The following RIN3 variants were observed in gnomAD, a reference collection of about 807,000 sequenced individuals.
RIN3 encodes the protein Ras and Rab interactor 3.
In RIN3, 54 loss-of-function variants were observed where a neutral mutation model predicts 76.3. The ratio of observed to expected loss-of-function variants is 0.71; its 90% CI spans 0.57 to 0.89. The LOEUF is 0.89. RIN3 is among the 40% of genes least tolerant of loss of function. The pLI, the probability that RIN3 is intolerant of heterozygous loss-of-function variation, is 0.00. For missense variants in RIN3, 1,256 were observed against 1,322.1 expected (o/e 0.95, Z 0.78); for synonymous variants, 576 against 564.0 (o/e 1.02, Z -0.30).
At chr14:92,580,504 C>T (rs544955095) in intron 3 of RIN3, among the ~76,000 whole-genome samples, 12 of 152,354 alleles carry the variant, frequency 7.9e-5, no homozygotes, top group Non-Finnish European at 1.2e-4. Flanking sequence ...AGCAAGTAAC[C>T]ATCCAGGATG....
intron 1 of RIN3, among the ~76,000 whole-genome samples, chr14:92,526,231 G>A (rs1166685443): frequency 6.6e-6 from 1 of 152,174 alleles, no homozygotes; most frequent in Non-Finnish European, 1.5e-5. Context: ...CGAGGCAGGT[G>A]GATCACTTGA....
chr14:92,618,734 A>T (rs898300689), intron 4 of RIN3, among the ~76,000 whole-genome samples: 3 of 152,232 alleles, frequency 2.0e-5, no homozygotes, highest in Non-Finnish European at 2.9e-5. Flanking sequence ...TTTCCCAGGA[A>T]TATGGGATCA....
At chr14:92,670,449 C>G (rs909141649) in intron 7 of RIN3, among the ~76,000 whole-genome samples, 1 of 152,146 alleles carries the variant, frequency 6.6e-6, no homozygotes, top group Non-Finnish European at 1.5e-5. Context: ...AGTGGCACTT[C>G]CTGAGGCTCC....
intron 5 of RIN3, among the ~76,000 whole-genome samples, chr14:92,649,895 G>A (rs1887348348): frequency 1.3e-5 from 2 of 152,280 alleles, no homozygotes; most frequent in South Asian, 4.1e-4. Context: ...ACCTCAGAGG[G>A]GTGCACACAG....
At chr14:92,567,322 T>C (rs551634634) in intron 2 of RIN3, among the ~76,000 whole-genome samples, 1 of 152,374 alleles carries the variant, frequency 6.6e-6, no homozygotes, top group African/African-American at 2.4e-5. Context: ...GTCACTATTT[T>C]ATATTTGCTC....
intron 3 of RIN3, among the ~76,000 whole-genome samples, chr14:92,613,716 GA>G (rs1414374236): frequency 6.6e-6 from 1 of 152,148 alleles, no homozygotes; most frequent in East Asian, 1.9e-4. Context: ...ACTGAGGGGG[GA>G]AAGGGCACGC....
rs146318615 is a variant in RIN3 at position 92,536,042 on chromosome 14, A to C, written c.45-19709A>C. On this transcript the variant is annotated intron_variant, in intron 1 of 9. Coordinates refer to ENST00000216487, the MANE Select transcript of RIN3 (RefSeq NM_024832.5). ...GCTGTGCAGAAATCAGGTGACTGTA[A>C]ATGTGCGGCTCTATTTCTGGACTTT... 4.7e-4 allele frequency among the ~76,000 whole-genome samples: 71 copies of C among 152,232 alleles called. 1 individual carries two copies. The East Asian group carries it at 4.8e-3, about 10-fold the overall frequency.
intron 6 of RIN3, among the ~76,000 whole-genome samples, chr14:92,655,232 C>T (rs1887623290): frequency 6.6e-6 from 1 of 151,822 alleles, no homozygotes; most frequent in Non-Finnish European, 1.5e-5. Context: ...CCTGTAGTCC[C>T]AGTTACTCAG....
chr14:92,604,025 A>G (rs1017974145), intron 3 of RIN3, among the ~76,000 whole-genome samples: 1 of 152,222 alleles, frequency 6.6e-6, no homozygotes, highest in Non-Finnish European at 1.5e-5. Flanking sequence ...GGTGGTTCCC[A>G]TGGCAACTGC....
intron 1 of RIN3, among the ~76,000 whole-genome samples, chr14:92,526,894 C>G (rs1001847208): frequency 6.6e-6 from 1 of 152,154 alleles, no homozygotes; most frequent in Non-Finnish European, 1.5e-5. Flanking sequence ...TACAGCCATT[C>G]TCCCTCCAAA....
intron 3 of RIN3, among the ~76,000 whole-genome samples, chr14:92,594,516 A>T (rs926088536): frequency 6.6e-5 from 10 of 152,212 alleles, no homozygotes; most frequent in Non-Finnish European, 1.5e-5. Flanking sequence ...TAACATAAAG[A>T]TAGCTGGAAA....
chr14:92,685,306 C>T lies in RIN3; in HGVS notation c.2631+156C>T. ...GACTCCCCACACCAGAGGAAGGGCC[C>T]CCAGCCCCTGCTGCCAGTGTGTGTC... On this transcript the variant is annotated intron_variant, in intron 9 of 9. Transcript: ENST00000216487. This position sits in a 1 kb window ranked among gnomAD's most constrained non-coding sequence, Gnocchi z 4.7. 1.4e-6 allele frequency: 1 copy of T among 731,236 alleles called. No individual in the cohort carries two copies. The highest frequency in any genetic ancestry group is 2.2e-6 in the Non-Finnish European group (1 of 456,812). 45.3% of individuals were successfully genotyped at this position (731,236 alleles called of 1,614,324 possible). A position where few individuals can be genotyped will look rare whatever the true frequency, so the allele number is the denominator to read the frequency against.
chr14:92,648,030 G>A lies in RIN3; in HGVS notation c.533-3552G>A, dbSNP rs1887265513. Among the ~76,000 whole-genome samples, 1 of 152,012 alleles carries A rather than the reference G, an allele frequency of 6.6e-6. No homozygotes were observed. On this transcript the variant is annotated intron_variant, in intron 5 of 9. Transcript: ENST00000216487. This position sits in a 1 kb window ranked among gnomAD's most constrained non-coding sequence, Gnocchi z 4.1. ...CAAACCACTAGGATTGCATGACACA[G>A]GGTTCTGTTTCTCCCCTGGCCTTGG...
At chr14:92,591,854 T>G (rs1884990512) in intron 3 of RIN3, among the ~76,000 whole-genome samples, 1 of 152,022 alleles carries the variant, frequency 6.6e-6, no homozygotes, top group African/African-American at 2.4e-5. Context: ...AGAAAGAAAA[T>G]GATAAAGGTC....
At chr14:92,532,446 T>G (rs1056810322) in intron 1 of RIN3, among the ~76,000 whole-genome samples, 1 of 152,130 alleles carries the variant, frequency 6.6e-6, no homozygotes, top group Non-Finnish European at 1.5e-5. Context: ...TCCTCACAAC[T>G]AATCCCATGG....
chr14:92,547,420 G>T (rs1897315428), intron 1 of RIN3, among the ~76,000 whole-genome samples: 1 of 144,588 alleles, frequency 6.9e-6, no homozygotes, highest in Non-Finnish European at 1.5e-5. Flanking sequence ...ATTGAGACAG[G>T]GTCTTGCTCT....
Position 92,687,958 on chromosome 14 carries a change from G to A in RIN3, c.2664G>A (p.Glu888=). ...TCTGCGTGTCGTACCTGGAGCCCGA[G>A]CAGCAGGCGCGGACGCTGGCGTCGC... ...DFICVSYLEP[E]QQARTLASRA... Residue 888 remains glutamate (E), a synonymous_variant, in exon 10 of 10, where the codon GAG becomes GAA. Transcript: ENST00000216487. 6.4e-7 allele frequency: 1 copy of A among 1,554,036 alleles called. No individual in the cohort carries two copies. Among genetic ancestry groups the A allele is most frequent in the Non-Finnish European group, 8.7e-7 (1 of 1,149,954 alleles).
intron 7 of RIN3, among the ~76,000 whole-genome samples, chr14:92,671,773 C>T (rs1888296948): frequency 6.6e-6 from 1 of 152,212 alleles, no homozygotes; most frequent in Non-Finnish European, 1.5e-5. Flanking sequence ...GGGTTTCTCA[C>T]CCGTGGCCCT....
intron 1 of RIN3, among the ~76,000 whole-genome samples, chr14:92,537,031 T>G (rs1271632875): frequency 6.6e-6 from 1 of 152,118 alleles, no homozygotes; most frequent in African/African-American, 2.4e-5. Context: ...ATGAAAAAGA[T>G]GTACAGTGAA....
Sources: gnomAD v4.1 joint callset for allele counts (sites outside exome capture counted in the v4.1 genomes callset) on GRCh38, gnomAD v4.1.1 for gene constraint, Gnocchi (gnomAD v3.1) non-coding constraint, MANE v1.5 for transcripts, NCBI Gene and HGNC (gene_info 2026-07-23, HGNC 2026-07-21) for gene names.